BANP: variants seen among roughly 807,000 people sequenced by gnomAD.
BANP encodes the protein BTG3 associated nuclear protein.
BANP carries 11 observed loss-of-function variants against 68.1 expected under a neutral mutation model. That is an observed-to-expected ratio of 0.16 (90% confidence interval 0.10 to 0.27). The LOEUF (loss-of-function observed/expected upper bound fraction) is 0.27. Among genes scored for constraint, BANP ranks in the 10% least tolerant of loss-of-function variants. The pLI is 1.00. For synonymous variants in BANP, 329 were observed against 303.2 expected (o/e 1.09, Z -0.88); for missense variants, 504 against 722.7 (o/e 0.70, Z 3.47).
At position 88,004,317 on chromosome 16, in the gene BANP, A is replaced by G; in HGVS notation, c.385A>G (p.Ile129Val). Residue 129 changes from isoleucine to valine, a missense_variant, in exon 5 of 14, where the codon ATA becomes GTA. Ile to Val is a conservative substitution (Grantham distance 29). Transcript: ENST00000682872. The surrounding 1 kb of genome is among the most constrained non-coding windows in gnomAD (Gnocchi z 7.0). ...TAGCGTCGTCCCCCAGACTACAGTA[A>G]TACTCAACAATGATCGGCAGAACGC... Reference protein sequence around the residue: ...VRCVVPQTTVILNNDRQNAIV... With the variant: ...VRCVVPQTTVVLNNDRQNAIV... 3.9e-6 allele frequency: 6 copies of G among 1,548,156 alleles called. No individual in the cohort carries two copies. Among genetic ancestry groups the G allele is most frequent in the Non-Finnish European group, 5.2e-6 (6 of 1,144,392 alleles).
At chr16:88,069,419 G>A (rs759541842) in intron 12 of BANP, among the ~76,000 whole-genome samples, 14 of 152,324 alleles carry the variant, frequency 9.2e-5, no homozygotes, top group Middle Eastern at 3.4e-3. Context: ...GACTTTGAGA[G>A]GCCTACGCCC....
At position 88,039,245 on chromosome 16, in the gene BANP, G is replaced by C. The variant is rs143344426; in HGVS notation, c.1311+1234G>C. The stretch of plus-strand genomic sequence containing the variant: ...TCTGTAAGTATGAATTGCTGCTCTG[G>C]AAAAGAGCCAAAGGAATGCGCAGCT... On this transcript the variant is annotated intron_variant, in intron 11 of 13. Coordinates refer to ENST00000682872, the MANE Select transcript of BANP (RefSeq NM_001386991.1). Among the ~76,000 whole-genome samples, 612 of 151,842 alleles carry C rather than the reference G, an allele frequency of 4.0e-3. 5 individuals are homozygous for C. The highest frequency in any genetic ancestry group is 0.018 in the South Asian group (87 of 4,742).
chr16:88,076,996 CAAAA>C lies in BANP; in HGVS notation c.*338_*341del, dbSNP rs1194442947. The C allele has an allele frequency of 4.1e-6, 1 of 246,658 alleles. No individual in the cohort carries two copies. Among genetic ancestry groups the C allele is most frequent in the Non-Finnish European group, 7.9e-6 (1 of 126,870 alleles). The allele number at this position is 246,658 out of a possible 1,614,324, so 15.3% of individuals were successfully genotyped here. ...TTTTAATTTGCTATGGTGTTTATAA[CAAAA>C]AAGAAAATTTGAAAAAAAAAATCCC... On this transcript the variant is annotated 3_prime_UTR_variant, in exon 14 of 14. Coordinates refer to ENST00000682872, the MANE Select transcript of BANP (RefSeq NM_001386991.1).
chr16:88,039,895 CCTCT>C (rs2080314858), intron 11 of BANP, among the ~76,000 whole-genome samples: 1 of 152,208 alleles, frequency 6.6e-6, no homozygotes, highest in South Asian at 2.1e-4. Flanking sequence ...TTCCGTGGCC[CCTCT>C]GAGTCCCCAC....
At chr16:87,998,624 G>A (rs546092427) in intron 4 of BANP, among the ~76,000 whole-genome samples, 2 of 108,296 alleles carry the variant, frequency 1.8e-5, no homozygotes, top group South Asian at 5.0e-4. Context: ...GCACGTGCGC[G>A]GCTGTACTTA....
intron 11 of BANP, among the ~76,000 whole-genome samples, chr16:88,041,250 G>A (rs142163512): frequency 1.3e-5 from 2 of 152,234 alleles, no homozygotes. Context: ...AGGGAGGGTT[G>A]TGCGCTGTGC....
chr16:88,044,158 C>T (rs895196130), intron 11 of BANP, among the ~76,000 whole-genome samples: 5 of 152,246 alleles, frequency 3.3e-5, no homozygotes, highest in Admixed American at 2.6e-4. Context: ...AAGGCCAACT[C>T]GCATTCTGCG....
chr16:88,034,060 T>G (rs4843775), intron 9 of BANP, among the ~76,000 whole-genome samples: 2 of 152,146 alleles, frequency 1.3e-5, no homozygotes, highest in East Asian at 1.9e-4. Context: ...CCTGGAAACA[T>G]GGTCCTCCAC....
intron 6 of BANP, among the ~76,000 whole-genome samples, chr16:88,014,118 C>A (rs2073915468): frequency 6.6e-6 from 1 of 152,124 alleles, no homozygotes; most frequent in South Asian, 2.1e-4. Flanking sequence ...GAGTCTCCTG[C>A]GGTGCTGAAA....
Position 88,076,779 on chromosome 16 carries a change from C to T in BANP, c.*118C>T. ...CTGCACGTGTTCTGCTGAAGTGCGT[C>T]TGAAGGCCGCTGCCTCCGCGGGGAA... On this transcript the variant is annotated 3_prime_UTR_variant, in exon 14 of 14. Coordinates refer to ENST00000682872, the MANE Select transcript of BANP (RefSeq NM_001386991.1). 1 of 788,806 alleles carries T rather than the reference C, an allele frequency of 1.3e-6. No homozygotes were observed. The highest frequency in any genetic ancestry group is 2.8e-5 in the East Asian group (1 of 36,062). 48.9% of individuals were successfully genotyped at this position (788,806 alleles called of 1,614,324 possible).
chr16:88,042,525 A>T lies in BANP; in HGVS notation c.1311+4514A>T, dbSNP rs542391411. ...ATTGTTCTTTTTGACCTCTAGGTGC[A>T]CATGCTGTCGTGCCCCACTGTTCCA... On this transcript the variant is annotated intron_variant, in intron 11 of 13. Coordinates refer to ENST00000682872, the MANE Select transcript of BANP (RefSeq NM_001386991.1). Among the ~76,000 whole-genome samples, 15 of 152,352 alleles carry T rather than the reference A, an allele frequency of 9.8e-5. No individual in the cohort carries two copies. The East Asian group carries it at 2.9e-3, about 29-fold the overall frequency.
intron 4 of BANP, among the ~76,000 whole-genome samples, chr16:87,984,720 T>C (rs1286206329): frequency 2.6e-5 from 4 of 152,254 alleles, no homozygotes; most frequent in Admixed American, 6.5e-5. Context: ...GAAAGCTGTG[T>C]GGTAGTTTGC....
chr16:88,040,884 G>C (rs1345969791), intron 11 of BANP, among the ~76,000 whole-genome samples: 1 of 152,218 alleles, frequency 6.6e-6, no homozygotes, highest in Admixed American at 6.5e-5. Flanking sequence ...AGATCACTGA[G>C]GATTGGCTTA....
At position 88,035,353 on chromosome 16, in the gene BANP, G is replaced by A. The variant is rs1399963301; in HGVS notation, c.1231G>A (p.Val411Met). ...ACAGGGACACCTCCACATCGCCCAG[G>A]TGCCGCAGGGGGAGCAAGTCCAGAT... Reference protein sequence around the residue: ...IPQGHLHIAQVPQGEQVQITQ... With the variant: ...IPQGHLHIAQMPQGEQVQITQ... Residue 411 changes from valine to methionine, a missense_variant, in exon 10 of 14, where the codon GTG becomes ATG. Transcript: ENST00000682872. The A allele has an allele frequency of 1.2e-6, 2 of 1,611,692 alleles. No homozygotes were observed. Among genetic ancestry groups the A allele is most frequent in the Non-Finnish European group, 1.7e-6 (2 of 1,179,294 alleles).
rs534826993 is a variant in BANP, at chr16:88,040,634, A to G, written c.1311+2623A>G. 4.6e-3 allele frequency among the ~76,000 whole-genome samples: 702 copies of G among 152,284 alleles called. 5 individuals are homozygous for G. Among genetic ancestry groups the G allele is most frequent in the African/African-American group, 0.016 (683 of 41,548 alleles). ...ACAGGAGGATAGTGCATGCAGGTCTAGGGCTCTCTCTTCTCCAGCCAGACT... is the reference window on the plus strand; with the variant it reads ...ACAGGAGGATAGTGCATGCAGGTCTGGGGCTCTCTCTTCTCCAGCCAGACT... On this transcript the variant is annotated intron_variant, in intron 11 of 13. Coordinates refer to ENST00000682872, the MANE Select transcript of BANP (RefSeq NM_001386991.1).
In BANP at chr16:88,064,330, C is replaced by T. The variant is rs1272639186; in HGVS notation, c.1312-937C>T. On this transcript the variant is annotated intron_variant, in intron 11 of 13. Coordinates refer to ENST00000682872, the MANE Select transcript of BANP (RefSeq NM_001386991.1). This position sits in a 1 kb window ranked among gnomAD's most constrained non-coding sequence, Gnocchi z 4.5. The stretch of plus-strand genomic sequence containing the variant: ...CCCTTGCACCCTTGCCCTGTGGTCA[C>T]CTGTGGTCAGGGACAGTGGGTTCCT... Among the ~76,000 whole-genome samples, 1 of 152,156 alleles carries T rather than the reference C, an allele frequency of 6.6e-6. No homozygotes were observed. The highest frequency in any genetic ancestry group is 1.5e-5 in the Non-Finnish European group (1 of 68,038).
At position 88,019,579 on chromosome 16, in the gene BANP, CCGGGATCTCGGCGTG is replaced by C. The variant is rs1311054105; in HGVS notation, c.895+922_895+936del. On this transcript the variant is annotated intron_variant, in intron 7 of 13. Coordinates refer to ENST00000682872, the MANE Select transcript of BANP (RefSeq NM_001386991.1). ...TCTCAGCGTGCGGGGGGCGGGGCGT[CCGGGATCTCGGCGTG>C]CGGGATCTCAGCGTGCGGGGGGCGT... Among the ~76,000 whole-genome samples, 22 of 12,206 alleles carry C rather than the reference CCGGGATCTCGGCGTG, an allele frequency of 1.8e-3. 2 individuals carry two copies. The highest frequency in any genetic ancestry group is 4.5e-3 in the African/African-American group (19 of 4,252). The allele number at this position is 12,206 out of a possible 152,430, so 8.0% of individuals were successfully genotyped here.
intron 12 of BANP, among the ~76,000 whole-genome samples, chr16:88,068,279 C>A (rs2089326767): frequency 6.6e-6 from 1 of 152,240 alleles, no homozygotes. Flanking sequence ...TGGCGGTCAC[C>A]TGGTTGGCGT....
intron 1 of BANP, among the ~76,000 whole-genome samples, chr16:87,968,575 G>A (rs146791992): frequency 9.2e-5 from 14 of 151,934 alleles, no homozygotes; most frequent in African/African-American, 3.4e-4. Flanking sequence ...TTGATGACAT[G>A]TAGCTTTGAT....
Sources: gnomAD v4.1 joint callset for allele counts (sites outside exome capture counted in the v4.1 genomes callset) on GRCh38, gnomAD v4.1.1 for gene constraint, Gnocchi (gnomAD v3.1) non-coding constraint, MANE v1.5 for transcripts, NCBI Gene and HGNC (gene_info 2026-07-23, HGNC 2026-07-21) for gene names.